Variants in MRPS28 observed in about 807,000 individuals in gnomAD.
MRPS28 encodes the protein small ribosomal subunit protein bS1m.
In MRPS28, 7 loss-of-function variants were observed where a neutral mutation model predicts 10.8. The observed-to-expected ratio is 0.65, with a 90% CI of 0.37 to 1.22. The LOEUF is 1.22. Among genes scored for constraint, MRPS28 ranks in the 50% most tolerant of loss-of-function variants. The probability of loss-of-function intolerance (pLI) is 0.02; values close to 1 mark genes in which losing one functional copy is unlikely to be tolerated. For missense variants in MRPS28, 265 were observed against 232.9 expected (o/e 1.14, Z -0.90); for synonymous variants, 121 against 93.3 (o/e 1.30, Z -1.71).
intron 2 of MRPS28, among the ~76,000 whole-genome samples, chr8:79,972,857 C>T (rs1415730658): frequency 6.6e-6 from 1 of 151,958 alleles, no homozygotes; most frequent in East Asian, 1.9e-4. Flanking sequence ...CACACAAGGG[C>T]TATAGATAAA....
chr8:79,943,913 C>CA (rs905827264), intron 2 of MRPS28, among the ~76,000 whole-genome samples: 41 of 151,508 alleles, frequency 2.7e-4, no homozygotes, highest in African/African-American at 8.2e-4. Context: ...GTGATGTGAG[C>CA]AAAAAAAACA....
At chr8:79,941,781 T>C (rs1036242213) in intron 2 of MRPS28, among the ~76,000 whole-genome samples, 2 of 152,226 alleles carry the variant, frequency 1.3e-5, no homozygotes, top group Non-Finnish European at 2.9e-5. Context: ...ACTGTTTCAA[T>C]AATTTATTTA....
At chr8:80,028,451 T>C (rs1008703412) in intron 1 of MRPS28, among the ~76,000 whole-genome samples, 5 of 151,896 alleles carry the variant, frequency 3.3e-5, no homozygotes, top group Admixed American at 2.6e-4. Context: ...CTTCTCCATA[T>C]ATGGTAGAAA....
chr8:79,991,278 T>C (rs909739344), intron 2 of MRPS28, among the ~76,000 whole-genome samples: 9 of 150,642 alleles, frequency 6.0e-5, no homozygotes, highest in Non-Finnish European at 8.8e-5. Context: ...TTGCATGAGA[T>C]AGAAATAACT....
chr8:80,006,402 C>A (rs79311456), intron 1 of MRPS28, among the ~76,000 whole-genome samples: 1 of 151,170 alleles, frequency 6.6e-6, no homozygotes, highest in Non-Finnish European at 1.5e-5. Context: ...ACAAAATGAA[C>A]GCAGAAATAA....
chr8:79,943,555 G>A (rs1310375067), intron 2 of MRPS28, among the ~76,000 whole-genome samples: 1 of 152,156 alleles, frequency 6.6e-6, no homozygotes, highest in Non-Finnish European at 1.5e-5. Context: ...TCTAACATGA[G>A]CACTGTTATA....
chr8:80,010,897 C>T (rs1278648599), intron 1 of MRPS28, among the ~76,000 whole-genome samples: 3 of 152,172 alleles, frequency 2.0e-5, no homozygotes, highest in Non-Finnish European at 1.5e-5. Flanking sequence ...GGCCTAGAGG[C>T]CAACTAGAGC....
chr8:79,997,415 C>A (rs1184357181), intron 2 of MRPS28, among the ~76,000 whole-genome samples: 1 of 152,064 alleles, frequency 6.6e-6, no homozygotes, highest in Non-Finnish European at 1.5e-5. Context: ...CATAACAATA[C>A]CCACACTGCA....
intron 2 of MRPS28, among the ~76,000 whole-genome samples, chr8:79,952,207 A>G (rs1322611653): frequency 1.3e-5 from 2 of 152,180 alleles, no homozygotes; most frequent in Non-Finnish European, 2.9e-5. Context: ...ATTTGTTAGG[A>G]TATTTTCAGT....
intron 2 of MRPS28, among the ~76,000 whole-genome samples, chr8:79,986,761 C>G (rs1332147001): frequency 2.7e-5 from 4 of 149,712 alleles, no homozygotes; most frequent in African/African-American, 1.0e-4. Flanking sequence ...AACCACTGCT[C>G]AACGAAATAA....
intron 2 of MRPS28, among the ~76,000 whole-genome samples, chr8:79,950,505 A>G (rs1586054049): frequency 6.6e-6 from 1 of 152,202 alleles, no homozygotes; most frequent in African/African-American, 2.4e-5. Context: ...GATTCTTTCA[A>G]TGATGTAGGT....
Position 79,970,069 on chromosome 8 carries a change from G to A in MRPS28, c.395+32930C>T, listed in dbSNP as rs138737455. Among the ~76,000 whole-genome samples the A allele has an allele frequency of 7.1e-4, 108 of 152,228 alleles. 1 individual carries two copies. Among genetic ancestry groups the A allele is most frequent in the East Asian group, 5.2e-3 (27 of 5,182 alleles). The stretch of plus-strand genomic sequence containing the variant: ...CAGTACTTATCATGTGAACAACATC[G>A]ATATTCCAACAAGTTCCATGATACT... On this transcript the variant is annotated intron_variant, in intron 2 of 2. Coordinates refer to ENST00000276585, the MANE Select transcript of MRPS28 (RefSeq NM_014018.3).
chr8:79,947,827 C>A (rs1156351861), intron 2 of MRPS28, among the ~76,000 whole-genome samples: 1 of 150,742 alleles, frequency 6.6e-6, no homozygotes, highest in African/African-American at 2.4e-5. Flanking sequence ...TTAGTAGAGA[C>A]GGGGTTTCAC....
chr8:79,997,254 A>C (rs966718678), intron 2 of MRPS28, among the ~76,000 whole-genome samples: 2 of 152,220 alleles, frequency 1.3e-5, no homozygotes, highest in African/African-American at 4.8e-5. Flanking sequence ...AGAAAGGTTC[A>C]TGGTAAATTA....
chr8:79,965,551 G>C (rs1055490557), intron 2 of MRPS28, among the ~76,000 whole-genome samples: 1 of 151,878 alleles, frequency 6.6e-6, no homozygotes, highest in African/African-American at 2.4e-5. Context: ...TATCCTTTTT[G>C]AATAGGCTGG....
intron 2 of MRPS28, among the ~76,000 whole-genome samples, chr8:79,951,969 T>G (rs1221287520): frequency 1.3e-5 from 2 of 152,220 alleles, no homozygotes; most frequent in African/African-American, 4.8e-5. Context: ...TTTCTTATTG[T>G]TTAAAACAGT....
chr8:79,924,980 T>C (rs936226168), intron 2 of MRPS28, among the ~76,000 whole-genome samples: 2 of 152,210 alleles, frequency 1.3e-5, no homozygotes, highest in Non-Finnish European at 2.9e-5. Context: ...AGTATTGCTA[T>C]GTTTTTTAAT....
At chr8:79,922,291 T>C (rs1810115496) in intron 2 of MRPS28, among the ~76,000 whole-genome samples, 1 of 152,108 alleles carries the variant, frequency 6.6e-6, no homozygotes, top group South Asian at 2.1e-4. Flanking sequence ...TCTAAAAAAG[T>C]TGAACACCTT....
chr8:79,944,701 C>CTTTTTTTTTTTTTT (rs57397948), intron 2 of MRPS28, among the ~76,000 whole-genome samples: 1 of 137,634 alleles, frequency 7.3e-6, no homozygotes, highest in African/African-American at 2.7e-5. Context: ...TTTCTTTTTT[C>CTTTTTTTTTTTTTT]TTTTTTTTTT....
Sources: allele counts gnomAD v4.1 joint callset (sites outside exome capture counted in the v4.1 genomes callset), GRCh38; gene constraint gnomAD v4.1.1; transcripts MANE v1.5; gene names NCBI Gene and HGNC (gene_info 2026-07-23, HGNC 2026-07-21).